SEMA7A: variants seen among roughly 807,000 people sequenced by gnomAD.
SEMA7A encodes the protein semaphorin 7A (JohnMiltonHagen blood group), also known as semaphorin-7A.
Under a neutral mutation model 67.5 loss-of-function variants are expected in SEMA7A, and 21 were observed. The observed-to-expected ratio is 0.31, with a 90% CI of 0.22 to 0.45. The LOEUF (loss-of-function observed/expected upper bound fraction) is 0.45, where lower values mean the gene tolerates loss of function less well. SEMA7A is among the 20% of genes least tolerant of loss of function. The pLI is 1.00. For missense variants in SEMA7A, 774 were observed against 908.6 expected, an observed-to-expected ratio of 0.85 and a Z score of 1.90; for synonymous variants, 364 against 368.5, an observed-to-expected ratio of 0.99 and a Z score of 0.14.
intron 3 of SEMA7A, 52 bp downstream of exon 3, chr15:74,418,216 C>G (rs1012286586): frequency 6.4e-7 from 1 of 1,563,978 alleles, no homozygotes; most frequent in Non-Finnish European, 8.8e-7. Flanking sequence ...TCAGGGTCTC[C>G]TCTCCCTTTA....
At position 74,410,597 on chromosome 15, in the gene SEMA7A, C is replaced by G. The variant is rs1278087342; in HGVS notation, c.*27G>C. On this transcript the variant is annotated 3_prime_UTR_variant, in exon 14 of 14. Transcript: ENST00000261918. The surrounding 1 kb of genome is among the most constrained non-coding windows in gnomAD (Gnocchi z 7.5). ...TTCTAGTGCCCTGGGCTGCAGAAGCCTGAGGCATGCCCAGCCTCGGGAGGC... is the reference window on the plus strand; with the variant it reads ...TTCTAGTGCCCTGGGCTGCAGAAGCGTGAGGCATGCCCAGCCTCGGGAGGC... 1.9e-6 allele frequency: 3 copies of G among 1,556,330 alleles called. No homozygotes were observed. Among genetic ancestry groups the G allele is most frequent in the Admixed American group, 3.6e-5 (2 of 55,750 alleles).
Position 74,418,891 on chromosome 15 carries a change from G to T in SEMA7A, c.240C>A (p.His80Gln). 6.2e-7 allele frequency: 1 copy of T among 1,613,840 alleles called. No homozygotes were observed. ...CCCACACAGAGGAGCTGCCTGGCTC[G>T]TGGAAAAGCACCGTGTGCGGCTCAG... ...GQTEPHTVLF[H>Q]EPGSSSVWVG... The change falls in exon 2 of 14, where the codon CAC becomes CAA. Residue 80 changes from histidine (H) to glutamine (Q), a missense_variant. Transcript: ENST00000261918.
chr15:74,433,290 C>A (rs1039909228), intron 1 of SEMA7A, among the ~76,000 whole-genome samples: 1 of 151,706 alleles, frequency 6.6e-6, no homozygotes, highest in African/African-American at 2.4e-5. Flanking sequence ...GGGGTCCGCG[C>A]CCCCCTTGCC....
Position 74,417,897 on chromosome 15 carries a change from G to A in SEMA7A, c.445C>T (p.His149Tyr). 6.2e-7 allele frequency: 1 copy of A among 1,613,464 alleles called. No individual in the cohort carries two copies. ...GLLACGTNAR[H>Y]PSCWNLVNGT... Reference sequence around the variant, plus strand: ...CTCACCAGGTTCCAGCAGCTGGGGTGCCGGGCGTTGGTGCCACAGGCCAGC... The same window carrying A: ...CTCACCAGGTTCCAGCAGCTGGGGTACCGGGCGTTGGTGCCACAGGCCAGC... Residue 149 changes from histidine (H) to tyrosine (Y), a missense_variant, in exon 4 of 14, where the codon CAC (histidine) becomes TAC (tyrosine). Physicochemically the swap from His to Tyr is moderately conservative, Grantham distance 83. Around this residue, in one of 2 missense-constraint regions of SEMA7A, gnomAD observed 347 missense variants for 353.2 expected, o/e 0.98. Transcript: ENST00000261918.
intron 1 of SEMA7A, among the ~76,000 whole-genome samples, chr15:74,421,055 A>G (rs1174360683): frequency 6.6e-6 from 1 of 152,246 alleles, no homozygotes; most frequent in Non-Finnish European, 1.5e-5. Flanking sequence ...AAGGGAAAAG[A>G]GGCACCAGAC....
rs1013947045 is a variant in SEMA7A, at chr15:74,415,692, G to A, written c.986+109C>T. 8.9e-6 allele frequency: 10 copies of A among 1,121,756 alleles called. No homozygotes were observed. In the Admixed American group the frequency reaches 2.7e-4, roughly 30 times the overall value. The allele number at this position is 1,121,756 out of a possible 1,614,324, so 69.5% of individuals were successfully genotyped here. A position where few individuals can be genotyped will look rare whatever the true frequency, so the allele number is the denominator to read the frequency against. On this transcript the variant is annotated intron_variant, in intron 8 of 13. Coordinates refer to ENST00000261918, the MANE Select transcript of SEMA7A (RefSeq NM_003612.5). ...AACAGCCCAGCCTCTTGAGCCTGCA[G>A]CCCCTGCTCCTGCCACACCAGGGAG...
In SEMA7A at chr15:74,427,154, G is replaced by A. The variant is rs1053627842; in HGVS notation, c.178+6587C>T. On this transcript the variant is annotated intron_variant, in intron 1 of 13. Coordinates refer to ENST00000261918, the MANE Select transcript of SEMA7A (RefSeq NM_003612.5). ...TCCAGCCCTCACTGCCCGTACCTTC[G>A]ACCTTGTACCACAAACCATCTGGCA... 1.5e-5 allele frequency: 14 copies of A among 952,528 alleles called. No individual in the cohort carries two copies. In the South Asian group the frequency reaches 2.9e-4, roughly 20 times the overall value. The allele number at this position is 952,528 out of a possible 1,614,324, so 59.0% of individuals were successfully genotyped here.
At position 74,411,678 on chromosome 15, in the gene SEMA7A, C is replaced by A. The variant is rs1426130785; in HGVS notation, c.1455G>T (p.Val485=). The A allele has an allele frequency of 1.2e-6, 2 of 1,613,662 alleles. No homozygotes were observed. The highest frequency in any genetic ancestry group is 3.3e-5 in the Admixed American group (2 of 60,002). Residue 485 remains valine, a synonymous_variant, in exon 12 of 14, where the codon GTG becomes GTT. Transcript: ENST00000261918. This position sits in a 1 kb window ranked among gnomAD's most constrained non-coding sequence, Gnocchi z 4.4. ...CACACAGGTCCAGGGGCACCTGGCTCACCTCCCACTGGGAGCTCACATACA... is the reference window on the plus strand; with the variant it reads ...CACACAGGTCCAGGGGCACCTGGCTAACCTCCCACTGGGAGCTCACATACA... ...RKLYVSSQWE[V]SQVPLDLCEV...
At chr15:74,433,702 T>C in intron 1 of SEMA7A, 39 bp downstream of exon 1, 1 of 1,395,778 alleles carries the variant, frequency 7.2e-7, no homozygotes, top group South Asian at 1.6e-5. Context: ...CCGCGCAGCG[T>C]CTGATCCCGC....
intron 10 of SEMA7A, among the ~76,000 whole-genome samples, chr15:74,413,848 C>T (rs2060922173): frequency 6.6e-6 from 1 of 152,130 alleles, no homozygotes; most frequent in Non-Finnish European, 1.5e-5. Context: ...TTGAATGGCC[C>T]CAGGGGTGCT....
rs183120031 is a variant in SEMA7A, at chr15:74,433,461, C to T, written c.178+280G>A. The T allele has an allele frequency of 4.3e-3, 3,564 of 831,722 alleles. 100 individuals carry two copies. The African/African-American group carries it at 0.057, about 13-fold the overall frequency. 51.5% of individuals were successfully genotyped at this position (831,722 alleles called of 1,614,324 possible). On this transcript the variant is annotated intron_variant, in intron 1 of 13. Coordinates refer to ENST00000261918, the MANE Select transcript of SEMA7A (RefSeq NM_003612.5). ...AGGGGCCCGCCCCCTCCCCTGGCGC[C>T]CGGGCGTTGCGGCTCCTGGCTGCCA...
chr15:74,422,853 C>T (rs2141284885), intron 1 of SEMA7A, among the ~76,000 whole-genome samples: 1 of 152,306 alleles, frequency 6.6e-6, no homozygotes, highest in Non-Finnish European at 1.5e-5. Flanking sequence ...CACTCTGGTG[C>T]TGTCACCGTC....
In SEMA7A at chr15:74,418,906, G is replaced by A; in HGVS notation, c.225C>T (p.His75=). The change falls in exon 2 of 14, where the codon CAC becomes CAT. Residue 75 remains histidine (H), a synonymous_variant. Transcript: ENST00000261918. ...DRVDFGQTEP[H]TVLFHEPGSS... ...TGCCTGGCTCGTGGAAAAGCACCGT[G>A]TGCGGCTCAGTCTGGCCAAAGTCCA... is the stretch of plus-strand genomic sequence containing the variant. 1 of 1,613,798 alleles carries A rather than the reference G, an allele frequency of 6.2e-7. No homozygotes were observed. Among genetic ancestry groups the A allele is most frequent in the Non-Finnish European group, 8.5e-7 (1 of 1,180,020 alleles).
intron 6 of SEMA7A, 67 bp downstream of exon 6, chr15:74,417,268 T>C: frequency 8.0e-7 from 1 of 1,248,742 alleles, no homozygotes; most frequent in Non-Finnish European, 1.2e-6. Flanking sequence ...AACATCAGGA[T>C]CCCATCTGCC....
chr15:74,430,535 G>C (rs766153813), intron 1 of SEMA7A, among the ~76,000 whole-genome samples: 1 of 152,174 alleles, frequency 6.6e-6, no homozygotes, highest in African/African-American at 2.4e-5. Context: ...CCTATACCAT[G>C]GTCATCATTG....
At position 74,414,047 on chromosome 15, in the gene SEMA7A, T is replaced by C. The variant is rs988231738; in HGVS notation, c.1294+500A>G. On this transcript the variant is annotated intron_variant, in intron 10 of 13. Coordinates refer to ENST00000261918, the MANE Select transcript of SEMA7A (RefSeq NM_003612.5). This position sits in a 1 kb window ranked among gnomAD's most constrained non-coding sequence, Gnocchi z 4.1. ...GAAGCTGCCCCTGTCCTCTGTGAGA[T>C]GGCAAAGGTTCTGCCCCCTGGAACT... 1.3e-5 allele frequency among the ~76,000 whole-genome samples: 2 copies of C among 152,210 alleles called. No individual in the cohort carries two copies. Among genetic ancestry groups the C allele is most frequent in the African/African-American group, 4.8e-5 (2 of 41,442 alleles).
intron 1 of SEMA7A, among the ~76,000 whole-genome samples, chr15:74,420,067 ACT>A (rs1339625178): frequency 2.6e-5 from 4 of 151,960 alleles, no homozygotes; most frequent in African/African-American, 9.7e-5. Flanking sequence ...GCTGCAGGAA[ACT>A]CTGGGGCAGC....
Position 74,410,705 on chromosome 15 carries a change from C to T in SEMA7A, c.1920G>A (p.Leu640=), listed in dbSNP as rs542436145. Residue 640 remains leucine, a synonymous_variant, in exon 14 of 14, where the codon CTG becomes CTA. Coordinates refer to ENST00000261918, the MANE Select transcript of SEMA7A (RefSeq NM_003612.5). This position sits in a 1 kb window ranked among gnomAD's most constrained non-coding sequence, Gnocchi z 7.5. ...LPEDGIMAEH[L]LGHACALAAS... is the part of the protein sequence containing the mutation. The stretch of plus-strand genomic sequence containing the variant: ...CGGCCAGGGCACAGGCATGACCCAG[C>T]AGGTGCTCGGCCATGATGCCGTCCT... The T allele has an allele frequency of 6.8e-5, 110 of 1,613,692 alleles. No homozygotes were observed. The East Asian group carries it at 2.1e-3, about 31-fold the overall frequency.
In SEMA7A at chr15:74,417,604, C is replaced by A; in HGVS notation, c.537G>T (p.Leu179=). 6.2e-7 allele frequency: 1 copy of A among 1,612,880 alleles called. No homozygotes were observed. The highest frequency in any genetic ancestry group is 8.5e-7 in the Non-Finnish European group (1 of 1,179,882). The change falls in exon 5 of 14, where the codon CTG becomes CTT. Residue 179 remains leucine (L), a synonymous_variant. Transcript: ENST00000261918. ...YAPFSPDENS[L]VLFEGDEVYS... is the part of the protein sequence containing the mutation. Reference sequence around the variant, plus strand: ...GCACTGCCCTACCTTCAAACAGAACCAGGGAGTTCTCGTCCGGGCTGAAGG... The same window carrying A: ...GCACTGCCCTACCTTCAAACAGAACAAGGGAGTTCTCGTCCGGGCTGAAGG...
Sources: allele counts gnomAD v4.1 joint callset (sites outside exome capture counted in the v4.1 genomes callset), GRCh38; gene constraint gnomAD v4.1.1; regional missense constraint gnomAD v4.1.1; non-coding constraint Gnocchi (gnomAD v3.1); transcripts MANE v1.5; gene names NCBI Gene and HGNC (gene_info 2026-07-23, HGNC 2026-07-21).